Variants in OGDH observed in about 807,000 individuals in gnomAD.
OGDH encodes the protein oxoglutarate dehydrogenase, also known as 2-oxoglutarate dehydrogenase complex component E1.
A neutral mutation model predicts 116.6 loss-of-function variants in OGDH; 38 were observed. The ratio of observed to expected loss-of-function variants is 0.33; its 90% CI spans 0.25 to 0.43. The LOEUF (loss-of-function observed/expected upper bound fraction) is 0.43. Among genes scored for constraint, OGDH ranks in the 20% least tolerant of loss-of-function variants. The pLI is 1.00. For synonymous variants in OGDH, 488 were observed against 533.3 expected (o/e 0.92, Z 1.17); for missense variants, 825 against 1,357.2 (o/e 0.61, Z 6.16).
chr7:44,627,830 C>T (rs1785268188), intron 2 of OGDH, among the ~76,000 whole-genome samples: 1 of 152,104 alleles, frequency 6.6e-6, no homozygotes, highest in Admixed American at 6.5e-5. Context: ...ATACGCGCCA[C>T]CACGCCTGGC....
At chr7:44,649,880 T>A (rs1053561542) in intron 4 of OGDH, among the ~76,000 whole-genome samples, 2 of 152,190 alleles carry the variant, frequency 1.3e-5, no homozygotes, top group Non-Finnish European at 2.9e-5. Context: ...GTCCTCAGTA[T>A]TTCTGTGAGG....
At chr7:44,691,393 G>A (rs773158775) in intron 10 of OGDH, among the ~76,000 whole-genome samples, 17 of 151,646 alleles carry the variant, frequency 1.1e-4, no homozygotes, top group Non-Finnish European at 2.5e-4. Flanking sequence ...TTAGCCAGGC[G>A]TGGTGGTACA....
At chr7:44,681,912 G>C (rs1585356216) in intron 10 of OGDH, 64 bp downstream of exon 10, 1 of 1,585,558 alleles carries the variant, frequency 6.3e-7, no homozygotes, top group African/African-American at 1.4e-5. Context: ...ACATCTCTGA[G>C]TCATTTAGGA....
At chr7:44,666,473 T>A in intron 4 of OGDH, 1 of 231,846 alleles carries the variant, frequency 4.3e-6, no homozygotes, top group Non-Finnish European at 8.3e-6. Flanking sequence ...ATTGGTGTAC[T>A]TAACTAACTT....
At chr7:44,698,096 A>G (rs1244378671) in intron 17 of OGDH, 96 bp from the exon 18 acceptor site, 8 of 1,381,078 alleles carry the variant, frequency 5.8e-6, no homozygotes, top group Non-Finnish European at 8.2e-6. Context: ...AAAAAAGATA[A>G]CCAGAAATGA....
chr7:44,622,975 G>C (rs1411686355), intron 1 of OGDH: 2 of 152,304 alleles, frequency 1.3e-5, no homozygotes, highest in East Asian at 3.9e-4. Flanking sequence ...GCGTAGAGTT[G>C]CTCACCATGG....
intron 20 of OGDH, among the ~76,000 whole-genome samples, chr7:44,703,363 G>A (rs1788925487): frequency 6.6e-6 from 1 of 151,698 alleles, no homozygotes; most frequent in South Asian, 2.1e-4. Flanking sequence ...AGCTGAGATT[G>A]CACCACTGCA....
intron 3 of OGDH, 124 bp downstream of exon 3, chr7:44,645,642 G>A (rs1162800285): frequency 4.5e-6 from 4 of 886,144 alleles, no homozygotes; most frequent in Non-Finnish European, 6.6e-6. Flanking sequence ...CAAATACTAG[G>A]TGCTTTCTCC....
chr7:44,666,697 C>G, intron 4 of OGDH, 39 bp from the exon 5 acceptor site: 1 of 1,231,800 alleles, frequency 8.1e-7, no homozygotes, highest in Non-Finnish European at 1.2e-6. Flanking sequence ...GTGCCCCATC[C>G]CTCCTCATCT....
At position 44,647,750 on chromosome 7, in the gene OGDH, GA is replaced by G; in HGVS notation, c.509del (p.Asp170AlafsTer111). On this transcript the variant is annotated frameshift_variant, in exon 4 of 23. Coordinates refer to ENST00000222673, the MANE Select transcript of OGDH (RefSeq NM_002541.4). LOFTEE classifies it high-confidence loss of function. ...SVPADIISST[D>X]KLGFYGLDES... is the part of the protein sequence containing the mutation. ...GCCCGCTGACATTATCTCATCCACAGACAAACTTGGTGAGGGTCTGAGAGCA... is the reference window on the plus strand; with the variant it reads ...GCCCGCTGACATTATCTCATCCACAGCAAACTTGGTGAGGGTCTGAGAGCA... 2 of 1,613,912 alleles carry G rather than the reference GA, an allele frequency of 1.2e-6. No homozygotes were observed. The highest frequency in any genetic ancestry group is 1.7e-6 in the Non-Finnish European group (2 of 1,179,876).
intron 4 of OGDH, among the ~76,000 whole-genome samples, chr7:44,649,848 A>G (rs182196778): frequency 7.9e-4 from 121 of 152,300 alleles, no homozygotes; most frequent in Non-Finnish European, 4.9e-4. Context: ...AGGTCTTACC[A>G]TATATTTCAC....
intron 1 of OGDH, among the ~76,000 whole-genome samples, chr7:44,616,126 C>A (rs1488432653): frequency 6.6e-6 from 1 of 151,778 alleles, no homozygotes; most frequent in Non-Finnish European, 1.5e-5. Context: ...CTTGTTTTGT[C>A]TTAAATGTAA....
At chr7:44,683,256 G>T (rs930330407) in intron 10 of OGDH, among the ~76,000 whole-genome samples, 5 of 152,184 alleles carry the variant, frequency 3.3e-5, no homozygotes, top group Non-Finnish European at 5.9e-5. Flanking sequence ...TTTGAGACCA[G>T]TCTTGCCCCA....
intron 9 of OGDH, 32 bp downstream of exon 9, chr7:44,676,181 T>C: frequency 6.2e-7 from 1 of 1,614,072 alleles, no homozygotes; most frequent in Non-Finnish European, 8.5e-7. Context: ...GCAAGGCAGA[T>C]CGTCAAGGCC....
intron 5 of OGDH, among the ~76,000 whole-genome samples, chr7:44,672,855 C>G (rs1787528551): frequency 6.6e-6 from 1 of 151,994 alleles, no homozygotes; most frequent in Non-Finnish European, 1.5e-5. Context: ...ATTGGTCAGG[C>G]TGGTCTCAAA....
At chr7:44,686,830 G>A (rs1324446593) in intron 10 of OGDH, among the ~76,000 whole-genome samples, 3 of 151,364 alleles carry the variant, frequency 2.0e-5, no homozygotes, top group African/African-American at 7.3e-5. Flanking sequence ...TGTGACTACA[G>A]GCGCCTGCCA....
At chr7:44,661,644 G>A (rs957163338) in intron 4 of OGDH, among the ~76,000 whole-genome samples, 1 of 151,798 alleles carries the variant, frequency 6.6e-6, no homozygotes, top group Admixed American at 6.6e-5. Flanking sequence ...CTTTCACCCA[G>A]GCTAGAGTGG....
intron 10 of OGDH, among the ~76,000 whole-genome samples, chr7:44,685,136 AACTATT>A (rs1788075183): frequency 6.6e-6 from 1 of 152,056 alleles, no homozygotes; most frequent in Non-Finnish European, 1.5e-5. Flanking sequence ...TTACATTGTT[AACTATT>A]TTTAAGTGAA....
chr7:44,644,290 T>C (rs17133688), intron 2 of OGDH, among the ~76,000 whole-genome samples: 14,423 of 152,330 alleles, frequency 0.095, 1,370 homozygotes, highest in East Asian at 0.39. Context: ...TCTGATCTCT[T>C]AAATATTTTA....
Sources: gnomAD v4.1 joint callset for allele counts (sites outside exome capture counted in the v4.1 genomes callset) on GRCh38, gnomAD v4.1.1 for gene constraint, MANE v1.5 for transcripts, NCBI Gene and HGNC (gene_info 2026-07-23, HGNC 2026-07-21) for gene names.